HTR4: variants seen among roughly 807,000 people sequenced by gnomAD.
HTR4 encodes 5-hydroxytryptamine receptor 4.
HTR4 carries 16 observed loss-of-function variants against 36.8 expected under a neutral mutation model. That is an observed-to-expected ratio of 0.43 (90% CI 0.29 to 0.66). The LOEUF (loss-of-function observed/expected upper bound fraction) is 0.66. HTR4 is among the 30% of genes least tolerant of loss of function. HTR4 has a pLI of 0.13. For missense variants in HTR4, 438 were observed against 490.9 expected, an observed-to-expected ratio of 0.89 and a Z score of 1.02; for synonymous variants, 189 against 185.1, an observed-to-expected ratio of 1.02 and a Z score of -0.17.
intron 4 of HTR4, among the ~76,000 whole-genome samples, chr5:148,546,508 G>T (rs1759390147): frequency 1.3e-5 from 2 of 152,176 alleles, no homozygotes; most frequent in South Asian, 4.1e-4. Context: ...CTCAGGAAAA[G>T]TTTCCTGATT....
chr5:148,608,405 G>A (rs1321528901), intron 2 of HTR4, among the ~76,000 whole-genome samples: 2 of 152,166 alleles, frequency 1.3e-5, no homozygotes, highest in African/African-American at 4.8e-5. Flanking sequence ...AAGCTTCTGA[G>A]AGATTGTGCC....
intron 5 of HTR4, among the ~76,000 whole-genome samples, chr5:148,470,914 C>A (rs1313791784): frequency 6.6e-6 from 1 of 152,168 alleles, no homozygotes; most frequent in Non-Finnish European, 1.5e-5. Flanking sequence ...GTCTTGAACT[C>A]CTGACCTCAA....
chr5:148,483,187 T>C lies in HTR4; in HGVS notation c.*16A>G, dbSNP rs1755972632. 3 of 1,613,730 alleles carry C rather than the reference T, an allele frequency of 1.9e-6. No homozygotes were observed. The highest frequency in any genetic ancestry group is 2.5e-6 in the Non-Finnish European group (3 of 1,179,884). On this transcript the variant is annotated 3_prime_UTR_variant, in exon 7 of 7. Coordinates refer to ENST00000377888, the MANE Select transcript of HTR4 (RefSeq NM_000870.7). ...TTCGGAGGCATGGCTGTCTTCTGGG[T>C]CATTGTCCCAGGGGCCTAAGTGTCA...
chr5:148,540,392 A>T (rs1759046074), intron 4 of HTR4, among the ~76,000 whole-genome samples: 1 of 52,918 alleles, frequency 1.9e-5, no homozygotes. Context: ...GTTTTATTTT[A>T]TGTGTGTGTA....
intron 5 of HTR4, among the ~76,000 whole-genome samples, chr5:148,512,233 T>C (rs1322013972): frequency 6.6e-6 from 1 of 152,250 alleles, no homozygotes; most frequent in East Asian, 1.9e-4. Flanking sequence ...CTGTTTACTA[T>C]GTCCTGGCTA....
At chr5:148,515,673 A>G (rs1757711109) in intron 5 of HTR4, among the ~76,000 whole-genome samples, 1 of 152,122 alleles carries the variant, frequency 6.6e-6, no homozygotes, top group Non-Finnish European at 1.5e-5. Context: ...TTGCATGGTC[A>G]GCTGTAAGTC....
At chr5:148,497,607 C>T (rs1319830547) in intron 6 of HTR4, among the ~76,000 whole-genome samples, 2 of 152,108 alleles carry the variant, frequency 1.3e-5, no homozygotes, top group African/African-American at 4.8e-5. Flanking sequence ...TCTTCTCTGC[C>T]ACTATGTGCA....
At chr5:148,495,384 A>T (rs528506022) in intron 6 of HTR4, among the ~76,000 whole-genome samples, 2 of 152,286 alleles carry the variant, frequency 1.3e-5, no homozygotes. Flanking sequence ...TACAGTCAGC[A>T]CCGCTAGTCC....
chr5:148,490,456 C>T, intron 6 of HTR4: 1 of 469,926 alleles, frequency 2.1e-6, no homozygotes, highest in Non-Finnish European at 2.8e-6. Context: ...AATTCTCCAG[C>T]TTCAACCAAA....
At chr5:148,563,609 C>T (rs13173317) in intron 2 of HTR4, among the ~76,000 whole-genome samples, 35,384 of 152,018 alleles carry the variant, frequency 0.23, 5,112 homozygotes, top group Non-Finnish European at 0.33. Flanking sequence ...CTGTGGGTTC[C>T]ACATCCGTAG....
At chr5:148,462,002 C>T (rs1488564662) in intron 5 of HTR4, 1 of 151,856 alleles carries the variant, frequency 6.6e-6, no homozygotes, top group Non-Finnish European at 1.5e-5. Flanking sequence ...CAACACACTT[C>T]TAAATAACAT....
chr5:148,611,387 A>C (rs1561649080), intron 2 of HTR4, among the ~76,000 whole-genome samples: 2 of 150,112 alleles, frequency 1.3e-5, no homozygotes, highest in East Asian at 3.9e-4. Context: ...ATTCTTAAAG[A>C]AAAGAATTTT....
intron 1 of HTR4, among the ~76,000 whole-genome samples, chr5:148,639,646 GTC>G (rs1753664734): frequency 1.7e-5 from 1 of 60,252 alleles, no homozygotes; most frequent in Non-Finnish European, 3.4e-5. Context: ...TATATATATA[GTC>G]AATTGCTTCT....
At chr5:148,584,974 T>G (rs1002714007) in intron 2 of HTR4, among the ~76,000 whole-genome samples, 13 of 152,134 alleles carry the variant, frequency 8.5e-5, no homozygotes, top group African/African-American at 3.1e-4. Flanking sequence ...TTACTGAGTA[T>G]CTTTTCAGTA....
chr5:148,613,762 G>T (rs1752542212), intron 2 of HTR4, among the ~76,000 whole-genome samples: 2 of 148,694 alleles, frequency 1.3e-5, no homozygotes, highest in South Asian at 2.2e-4. Context: ...CAGATGACAT[G>T]ATTGTATATC....
chr5:148,497,460 G>GT (rs1331799725), intron 6 of HTR4, among the ~76,000 whole-genome samples: 2 of 152,052 alleles, frequency 1.3e-5, no homozygotes, highest in Admixed American at 1.3e-4. Flanking sequence ...TCTTTTTCCA[G>GT]TTTTTTTATA....
chr5:148,624,523 A>C (rs1265737248), intron 2 of HTR4, among the ~76,000 whole-genome samples: 2 of 152,196 alleles, frequency 1.3e-5, no homozygotes, highest in Non-Finnish European at 1.5e-5. Context: ...TGAGCAAGGG[A>C]ATAGATCCCA....
intron 2 of HTR4, among the ~76,000 whole-genome samples, chr5:148,574,565 CA>C (rs1760813312): frequency 6.6e-6 from 1 of 152,010 alleles, no homozygotes. Context: ...AATTCAGATT[CA>C]AAAAGATTAA....
rs1753918117 is a variant in HTR4, at chr5:148,647,807, C to T, written c.-48+6255G>A. Among the ~76,000 whole-genome samples the T allele has an allele frequency of 2.0e-5, 3 of 152,156 alleles. No individual in the cohort carries two copies. In the South Asian group the frequency reaches 6.2e-4, roughly 32 times the overall value. On this transcript the variant is annotated intron_variant, in intron 1 of 6. Transcript: ENST00000377888. The stretch of plus-strand genomic sequence containing the variant: ...AAGGTTTCAGTGAGCTGAGATTGCA[C>T]CACTGCACTCCAGCCTCGCTGACAG...
Sources: gnomAD v4.1 joint callset for allele counts (sites outside exome capture counted in the v4.1 genomes callset) on GRCh38, gnomAD v4.1.1 for gene constraint, MANE v1.5 for transcripts, NCBI Gene and HGNC (gene_info 2026-07-23, HGNC 2026-07-21) for gene names.